PITPNA: variants seen among roughly 807,000 people sequenced by gnomAD.
PITPNA encodes the protein phosphatidylinositol transfer protein alpha.
Under a neutral mutation model 50.3 loss-of-function variants are expected in PITPNA, and 13 were observed. The ratio of observed to expected loss-of-function variants is 0.26; its 90% confidence interval spans 0.17 to 0.41. PITPNA has a LOEUF of 0.41. Among genes scored for constraint, PITPNA ranks in the 10% least tolerant of loss-of-function variants. The probability of loss-of-function intolerance (pLI) is 1.00; values close to 1 mark genes in which losing one functional copy is unlikely to be tolerated. For synonymous variants in PITPNA, 120 were observed against 119.6 expected (o/e 1.00, Z -0.02); for missense variants, 207 against 333.4 (o/e 0.62, Z 2.95).
At chr17:1,524,277 C>A (rs1253833055) in intron 10 of PITPNA, among the ~76,000 whole-genome samples, 3 of 147,020 alleles carry the variant, frequency 2.0e-5, no homozygotes, top group African/African-American at 7.5e-5. Context: ...ATGTCCTGAC[C>A]TCATGATCCG....
At chr17:1,548,167 C>G in intron 4 of PITPNA, 129 bp downstream of exon 4, 1 of 607,110 alleles carries the variant, frequency 1.6e-6, no homozygotes. Flanking sequence ...GGACACAGCA[C>G]TGATACCCAC....
At chr17:1,555,130 G>A (rs1360461421) in intron 2 of PITPNA, among the ~76,000 whole-genome samples, 1 of 152,208 alleles carries the variant, frequency 6.6e-6, no homozygotes, top group Non-Finnish European at 1.5e-5. Flanking sequence ...GGGCCTGGTG[G>A]AGGGGGCGAG....
intron 4 of PITPNA, 100 bp downstream of exon 4, chr17:1,548,196 C>CA (rs2075688265): frequency 1.4e-6 from 1 of 725,548 alleles, no homozygotes; most frequent in African/African-American, 1.8e-5. Flanking sequence ...GGAAGGGACC[C>CA]AGCCCGAGCC....
Position 1,562,187 on chromosome 17 carries a change from G to A in PITPNA, c.20+354C>T, listed in dbSNP as rs902088536. Among the ~76,000 whole-genome samples, 4 of 152,032 alleles carry A rather than the reference G, an allele frequency of 2.6e-5. No individual in the cohort carries two copies. Among genetic ancestry groups the A allele is most frequent in the Non-Finnish European group, 4.4e-5 (3 of 67,980 alleles). ...GTCCACTTGGGCCTCCGAGGCCCCC[G>A]GGGCGCCTGAGGAGCCGTCCGCCCG... On this transcript the variant is annotated intron_variant, in intron 1 of 11. Coordinates refer to ENST00000313486, the MANE Select transcript of PITPNA (RefSeq NM_006224.4). This position sits in a 1 kb window ranked among gnomAD's most constrained non-coding sequence, Gnocchi z 6.4.
intron 11 of PITPNA, 57 bp downstream of exon 11, chr17:1,521,522 G>A (rs918734867): frequency 1.5e-6 from 2 of 1,303,000 alleles, no homozygotes; most frequent in South Asian, 2.4e-5. Flanking sequence ...CTGAGGCCTT[G>A]AAACCCAAAC....
rs1369532426 is a variant in PITPNA, at chr17:1,551,273, CTTTT to C, written c.197+1727_197+1730del. Among the ~76,000 whole-genome samples, 3 of 151,210 alleles carry C rather than the reference CTTTT, an allele frequency of 2.0e-5. 1 individual carries two copies. Among genetic ancestry groups the C allele is most frequent in the African/African-American group, 7.3e-5 (3 of 41,094 alleles). On this transcript the variant is annotated intron_variant, in intron 3 of 11. Transcript: ENST00000313486. ...TGGTGGCAGTCACTGCTGGCCTTTT[CTTTT>C]TCTTTTTTTTCTTTTTTTTTTTTTG...
intron 5 of PITPNA, among the ~76,000 whole-genome samples, chr17:1,542,723 G>A (rs1327299911): frequency 6.6e-6 from 1 of 152,204 alleles, no homozygotes; most frequent in Non-Finnish European, 1.5e-5. Context: ...GTTGAATGGA[G>A]CTCTCTCTAC....
intron 10 of PITPNA, among the ~76,000 whole-genome samples, chr17:1,527,749 C>T (rs1201182499): frequency 2.6e-5 from 4 of 152,014 alleles, no homozygotes; most frequent in Non-Finnish European, 5.9e-5. Flanking sequence ...TGTTAATATC[C>T]GAGTTATTAC....
rs2075493198 is a variant in PITPNA at position 1,519,163 on chromosome 17, C to T, written c.*1398G>A. The T allele has an allele frequency of 6.6e-6, 1 of 152,586 alleles. No homozygotes were observed. The highest frequency in any genetic ancestry group is 1.5e-5 in the Non-Finnish European group (1 of 68,078). The allele number at this position is 152,586 out of a possible 1,614,324, so 9.5% of individuals were successfully genotyped here. ...GACAAAAACAGGATACATTCTCCCA[C>T]CCACTTCTTGCTTCCCGGACAAAGA... On this transcript the variant is annotated 3_prime_UTR_variant, in exon 12 of 12. Coordinates refer to ENST00000313486, the MANE Select transcript of PITPNA (RefSeq NM_006224.4).
intron 11 of PITPNA, 94 bp downstream of exon 11, chr17:1,521,485 T>G: frequency 1.2e-6 from 1 of 819,954 alleles, no homozygotes; most frequent in South Asian, 1.4e-5. Flanking sequence ...GAAGGAGGAA[T>G]AGGTTTTCTG....
intron 3 of PITPNA, among the ~76,000 whole-genome samples, chr17:1,551,327 T>A (rs914876318): frequency 2.0e-5 from 3 of 151,482 alleles, no homozygotes; most frequent in African/African-American, 7.3e-5. Context: ...GATCTCATTC[T>A]GTGGCCCAGG....
chr17:1,527,405 G>A (rs2075554038), intron 10 of PITPNA, among the ~76,000 whole-genome samples: 1 of 151,938 alleles, frequency 6.6e-6, no homozygotes, highest in African/African-American at 2.4e-5. Context: ...CACCACGCCT[G>A]GCTAATTTCT....
intron 2 of PITPNA, among the ~76,000 whole-genome samples, chr17:1,555,902 A>G (rs570960946): frequency 6.6e-6 from 1 of 152,224 alleles, no homozygotes; most frequent in African/African-American, 2.4e-5. Flanking sequence ...GGCTCTGGCC[A>G]CCCAGAAGCT....
At chr17:1,551,296 T>C (rs1201477536) in intron 3 of PITPNA, among the ~76,000 whole-genome samples, 3 of 151,470 alleles carry the variant, frequency 2.0e-5, no homozygotes. Flanking sequence ...TTCTTTTTTT[T>C]TTTTTGTAAG....
rs146683193 is a variant in PITPNA at position 1,550,758 on chromosome 17, A to G, written c.197+2246T>C. ...TTGCCCAGGCTGGCTAAAAGGTCCTATAAGTTATGTCAGACAGCACGGACT... is the reference window on the plus strand; with the variant it reads ...TTGCCCAGGCTGGCTAAAAGGTCCTGTAAGTTATGTCAGACAGCACGGACT... On this transcript the variant is annotated intron_variant, in intron 3 of 11. Transcript: ENST00000313486. Among the ~76,000 whole-genome samples the G allele has an allele frequency of 2.0e-3, 304 of 152,158 alleles. 1 individual carries two copies. The highest frequency in any genetic ancestry group is 2.4e-3 in the Non-Finnish European group (162 of 67,988).
chr17:1,530,776 A>T (rs1483590951), intron 10 of PITPNA, among the ~76,000 whole-genome samples: 1 of 152,232 alleles, frequency 6.6e-6, no homozygotes, highest in East Asian at 1.9e-4. Context: ...GCCAGTTAAC[A>T]ACCTTTTGGG....
chr17:1,534,872 G>A (rs1473164052), intron 9 of PITPNA, among the ~76,000 whole-genome samples: 3 of 152,234 alleles, frequency 2.0e-5, no homozygotes, highest in Non-Finnish European at 4.4e-5. Context: ...GCAAGGGAAG[G>A]TGGGCAGCTG....
Position 1,520,269 on chromosome 17 carries a change from T to G in PITPNA, c.*292A>C, listed in dbSNP as rs2075501809. 6.6e-6 allele frequency: 1 copy of G among 152,264 alleles called. No individual in the cohort carries two copies. Among genetic ancestry groups the G allele is most frequent in the Admixed American group, 6.6e-5 (1 of 15,250 alleles). The allele number at this position is 152,264 out of a possible 1,614,324, so 9.4% of individuals were successfully genotyped here. Reference sequence around the variant, plus strand: ...TAAAGGTTGGGGGAACACACAGAAATGGATCGGAACACAATGGAGAGAGAC... The same window carrying G: ...TAAAGGTTGGGGGAACACACAGAAAGGGATCGGAACACAATGGAGAGAGAC... On this transcript the variant is annotated 3_prime_UTR_variant, in exon 12 of 12. Transcript: ENST00000313486.
intron 10 of PITPNA, among the ~76,000 whole-genome samples, chr17:1,529,111 C>T (rs1382721307): frequency 1.4e-5 from 2 of 143,814 alleles, no homozygotes; most frequent in Non-Finnish European, 3.0e-5. Context: ...GCAGTCCAGC[C>T]TGGGCGACAG....
Sources: gnomAD v4.1 joint callset for allele counts (sites outside exome capture counted in the v4.1 genomes callset) on GRCh38, gnomAD v4.1.1 for gene constraint, Gnocchi (gnomAD v3.1) non-coding constraint, MANE v1.5 for transcripts, NCBI Gene and HGNC (gene_info 2026-07-23, HGNC 2026-07-21) for gene names.